Variants in DIAPH3 observed in about 807,000 individuals in gnomAD.
DIAPH3 encodes the protein protein diaphanous homolog 3.
Under a neutral mutation model 144.3 loss-of-function variants are expected in DIAPH3, and 117 were observed. The observed-to-expected ratio is 0.81, with a 90% confidence interval of 0.70 to 0.95. The LOEUF (loss-of-function observed/expected upper bound fraction) is 0.95. Among genes scored for constraint, DIAPH3 ranks in the 40% least tolerant of loss-of-function variants. DIAPH3 has a pLI of 0.00. For missense variants in DIAPH3, 1,421 were observed against 1,412.7 expected, an observed-to-expected ratio of 1.01 and a Z score of -0.09; for synonymous variants, 519 against 488.9, an observed-to-expected ratio of 1.06 and a Z score of -0.81.
chr13:59,975,466 T>C (rs936520788), intron 14 of DIAPH3, among the ~76,000 whole-genome samples: 1 of 152,008 alleles, frequency 6.6e-6, no homozygotes, highest in Middle Eastern at 3.2e-3. Context: ...TAAGTTCAAA[T>C]GAAACTATGC....
intron 27 of DIAPH3, among the ~76,000 whole-genome samples, chr13:59,732,927 T>C (rs373245311): frequency 2.0e-5 from 3 of 152,130 alleles, no homozygotes; most frequent in Non-Finnish European, 4.4e-5. Context: ...GAAAAGAAAA[T>C]AGAATACATC....
At chr13:59,903,359 T>C (rs2046554685) in intron 20 of DIAPH3, among the ~76,000 whole-genome samples, 1 of 152,184 alleles carries the variant, frequency 6.6e-6, no homozygotes, top group Non-Finnish European at 1.5e-5. Flanking sequence ...CTCACCTATC[T>C]TGGTCAATGT....
intron 22 of DIAPH3, among the ~76,000 whole-genome samples, chr13:59,840,745 G>A (rs550070016): frequency 6.6e-6 from 1 of 151,878 alleles, no homozygotes; most frequent in African/African-American, 2.4e-5. Context: ...GAAGAGTGAT[G>A]GTACTTTAAC....
chr13:59,691,548 C>A (rs1440249028), intron 27 of DIAPH3, among the ~76,000 whole-genome samples: 1 of 151,876 alleles, frequency 6.6e-6, no homozygotes, highest in African/African-American at 2.4e-5. Flanking sequence ...TCTTTTTGAC[C>A]ACAAGAAAAG....
chr13:60,035,508 C>T (rs2055147100), intron 5 of DIAPH3, among the ~76,000 whole-genome samples: 1 of 152,124 alleles, frequency 6.6e-6, no homozygotes, highest in East Asian at 1.9e-4. Flanking sequence ...AAAGTTAGTA[C>T]TTATTTGAAA....
intron 12 of DIAPH3, 84 bp downstream of exon 12, chr13:59,991,074 T>C: frequency 1.2e-6 from 1 of 846,660 alleles, no homozygotes; most frequent in South Asian, 1.5e-5. Flanking sequence ...ATCATTTGCT[T>C]GTCAAAGGCA....
intron 17 of DIAPH3, among the ~76,000 whole-genome samples, chr13:59,965,600 T>C (rs1309599801): frequency 6.6e-6 from 1 of 151,822 alleles, no homozygotes; most frequent in African/African-American, 2.4e-5. Context: ...AAATGTTCAA[T>C]ATATGAATAT....
chr13:59,770,798 A>G (rs1216155639), intron 27 of DIAPH3, among the ~76,000 whole-genome samples: 6 of 152,100 alleles, frequency 3.9e-5, no homozygotes, highest in African/African-American at 7.2e-5. Flanking sequence ...GGCAATTATT[A>G]CTAGTCTGTC....
At chr13:60,051,752 G>A (rs942177041) in intron 4 of DIAPH3, among the ~76,000 whole-genome samples, 1 of 152,158 alleles carries the variant, frequency 6.6e-6, no homozygotes, top group Admixed American at 6.5e-5. Context: ...GAGTTTAAGG[G>A]AACAGATTCT....
chr13:59,728,683 G>T (rs2035724615), intron 27 of DIAPH3, among the ~76,000 whole-genome samples: 1 of 151,952 alleles, frequency 6.6e-6, no homozygotes, highest in Non-Finnish European at 1.5e-5. Context: ...TGTAGAAAAG[G>T]AAAATTAATA....
chr13:59,741,494 T>C (rs1213523585), intron 27 of DIAPH3, among the ~76,000 whole-genome samples: 1 of 152,072 alleles, frequency 6.6e-6, no homozygotes, highest in African/African-American at 2.4e-5. Flanking sequence ...CAGTGGCTCA[T>C]GCCTGTGATC....
intron 17 of DIAPH3, among the ~76,000 whole-genome samples, chr13:59,942,275 G>A (rs909205199): frequency 3.3e-5 from 5 of 152,060 alleles, no homozygotes; most frequent in African/African-American, 1.2e-4. Flanking sequence ...TAATATACTT[G>A]ACAAAAATTT....
At position 59,704,137 on chromosome 13, in the gene DIAPH3, C is replaced by T. The variant is rs149734488; in HGVS notation, c.3320-37291G>A. ...CTCTTTTGCAACCCCTCATCATCCA[C>T]AGCTTCAGAATTCAGTAAATCTTAT... On this transcript the variant is annotated intron_variant, in intron 27 of 27. Coordinates refer to ENST00000400324, the MANE Select transcript of DIAPH3 (RefSeq NM_001042517.2). 4.3e-3 allele frequency among the ~76,000 whole-genome samples: 656 copies of T among 152,342 alleles called. 4 individuals carry two copies. The highest frequency in any genetic ancestry group is 7.6e-3 in the Non-Finnish European group (519 of 68,026).
At chr13:59,687,171 G>C (rs1310277704) in intron 27 of DIAPH3, among the ~76,000 whole-genome samples, 1 of 152,118 alleles carries the variant, frequency 6.6e-6, no homozygotes, top group Admixed American at 6.6e-5. Flanking sequence ...GACAGAAGCA[G>C]TTAGGAAAAC....
At chr13:59,958,507 C>T (rs1377144392) in intron 17 of DIAPH3, among the ~76,000 whole-genome samples, 2 of 152,020 alleles carry the variant, frequency 1.3e-5, no homozygotes, top group African/African-American at 4.8e-5. Context: ...CTCTTTCAAT[C>T]TTAAATAGTA....
chr13:59,807,059 T>A (rs2040233757), intron 25 of DIAPH3, among the ~76,000 whole-genome samples: 1 of 151,902 alleles, frequency 6.6e-6, no homozygotes, highest in Non-Finnish European at 1.5e-5. Context: ...TTATTTGTGA[T>A]TTTTTTAAAA....
chr13:59,957,647 A>G (rs181441248), intron 17 of DIAPH3, among the ~76,000 whole-genome samples: 1 of 152,256 alleles, frequency 6.6e-6, no homozygotes, highest in Non-Finnish European at 1.5e-5. Flanking sequence ...CGAATCTGCA[A>G]AAGTATTTAA....
intron 19 of DIAPH3, among the ~76,000 whole-genome samples, chr13:59,912,680 G>A (rs2047051269): frequency 6.6e-6 from 1 of 152,112 alleles, no homozygotes; most frequent in Admixed American, 6.5e-5. Context: ...AGATAAAAAA[G>A]AGTGGTTGGT....
chr13:60,085,478 A>T (rs1201986685), intron 4 of DIAPH3, among the ~76,000 whole-genome samples: 1 of 152,136 alleles, frequency 6.6e-6, no homozygotes, highest in East Asian at 1.9e-4. Context: ...TAGAATCACC[A>T]GGAGGGCTTT....
Sources: allele counts gnomAD v4.1 joint callset (sites outside exome capture counted in the v4.1 genomes callset), GRCh38; gene constraint gnomAD v4.1.1; transcripts MANE v1.5; gene names NCBI Gene and HGNC (gene_info 2026-07-23, HGNC 2026-07-21).